Variants in TJP2 observed in about 807,000 individuals in gnomAD.
TJP2 encodes the protein tight junction protein 2.
TJP2 carries 91 observed loss-of-function variants against 133.1 expected under a neutral mutation model. The observed-to-expected ratio is 0.68, with a 90% CI of 0.58 to 0.81. TJP2 has a LOEUF of 0.81. TJP2 is among the 40% of genes least tolerant of loss of function. TJP2 has a pLI of 0.00. For synonymous variants in TJP2, 592 were observed against 583.4 expected (o/e 1.01, Z -0.21); for missense variants, 1,541 against 1,565.6 (o/e 0.98, Z 0.26).
At chr9:69,238,851 C>T in intron 16 of TJP2, 62 bp downstream of exon 16, 1 of 1,341,656 alleles carries the variant, frequency 7.5e-7, no homozygotes, top group Non-Finnish European at 1.1e-6. Flanking sequence ...TTGCTGCAGT[C>T]ACTTTTAGGA....
chr9:69,196,917 T>TTATA (rs1206245674), intron 1 of TJP2, among the ~76,000 whole-genome samples: 2 of 88,052 alleles, frequency 2.3e-5, no homozygotes, highest in South Asian at 3.7e-4. Context: ...TTTGCTTGTT[T>TTATA]TATATATATA....
chr9:69,179,038 AG>A (rs1223215825), intron 1 of TJP2, among the ~76,000 whole-genome samples: 1 of 151,692 alleles, frequency 6.6e-6, no homozygotes, highest in Non-Finnish European at 1.5e-5. Flanking sequence ...GGATTTTCGT[AG>A]GAACAGGAAG....
At chr9:69,199,262 G>A (rs747043450) in intron 1 of TJP2, among the ~76,000 whole-genome samples, 26 of 152,244 alleles carry the variant, frequency 1.7e-4, no homozygotes, top group Middle Eastern at 6.8e-3. Flanking sequence ...GGGGCTGAAC[G>A]TGGTGGCTCA....
rs1434422129 is a variant in TJP2 at position 69,238,729 on chromosome 9, A to T, written c.2295A>T (p.Ala765=). The T allele has an allele frequency of 6.2e-7, 1 of 1,613,956 alleles. No homozygotes were observed. Among genetic ancestry groups the T allele is most frequent in the Non-Finnish European group, 8.5e-7 (1 of 1,179,888 alleles). ...TTGCAGAAACGGAACCAAAAGATGC[A>T]GGATCTGAGAAATCCACTGGAGTGG... ...FQTAKTEPKD[A]GSEKSTGVVR... The change falls in exon 16 of 23, where the codon GCA becomes GCT. Residue 765 remains alanine, a synonymous_variant. Coordinates refer to ENST00000377245, the MANE Select transcript of TJP2 (RefSeq NM_004817.4).
intron 2 of TJP2, 86 bp downstream of exon 2, chr9:69,212,687 T>A: frequency 2.6e-6 from 3 of 1,166,390 alleles, no homozygotes; most frequent in Non-Finnish European, 3.9e-6. Context: ...CTACACACAG[T>A]TTTGGCTTTT....
At chr9:69,175,412 T>C (rs1450833159) in intron 1 of TJP2, among the ~76,000 whole-genome samples, 3 of 152,176 alleles carry the variant, frequency 2.0e-5, no homozygotes, top group Admixed American at 6.5e-5. Flanking sequence ...GACGGTCCTT[T>C]TGGGAAAACA....
intron 1 of TJP2, among the ~76,000 whole-genome samples, chr9:69,191,840 G>A (rs959293022): frequency 2.6e-5 from 4 of 151,818 alleles, no homozygotes; most frequent in Admixed American, 1.3e-4. Flanking sequence ...AGGTTCAAGC[G>A]ATTTTCCTGC....
chr9:69,238,767 C>T lies in TJP2; in HGVS notation c.2333C>T (p.Thr778Ile), dbSNP rs773974961. 4 of 1,613,838 alleles carry T rather than the reference C, an allele frequency of 2.5e-6. No individual in the cohort carries two copies. The highest frequency in any genetic ancestry group is 3.4e-6 in the Non-Finnish European group (4 of 1,179,798). The part of the protein sequence containing the change: ...EKSTGVVRLN[T>I]VRQIIEQDKH... ...TCCACTGGAGTGGTCCGGTTAAATA[C>T]CGTGAGGCAAATTATTGAACAGGTG... Residue 778 changes from threonine to isoleucine, a missense_variant, in exon 16 of 23, where the codon ACC becomes ATC. Physicochemically the swap from Thr to Ile is moderately conservative, Grantham distance 89 (BLOSUM62 -1). Transcript: ENST00000377245.
At chr9:69,225,989 T>C (rs1387747589) in intron 6 of TJP2, 33 bp from the exon 7 acceptor site, 1 of 1,610,598 alleles carries the variant, frequency 6.2e-7, no homozygotes, top group East Asian at 2.2e-5. Context: ...ATAATTTTAT[T>C]GCATTTAACA....
At chr9:69,174,504 G>A (rs1824914483) in intron 1 of TJP2, 72 bp downstream of exon 1, 4 of 1,453,118 alleles carry the variant, frequency 2.8e-6, no homozygotes, top group Admixed American at 2.0e-5. Flanking sequence ...TGGGGGCTCT[G>A]CTCGCGTGCT....
rs761461587 is a variant in TJP2, at chr9:69,246,678, A to G, written c.2567-12A>G. ...GAAATTAATGCAGACCTTTTTGTTT[A>G]TATTTCTATAGCTACAATCAACCTA... On this transcript the variant is annotated splice_polypyrimidine_tract_variant and intron_variant, in intron 17 of 22. Coordinates refer to ENST00000377245, the MANE Select transcript of TJP2 (RefSeq NM_004817.4). 110 of 1,611,260 alleles carry G rather than the reference A, an allele frequency of 6.8e-5. 1 individual carries two copies. Among genetic ancestry groups the G allele is most frequent in the South Asian group, 2.3e-4 (21 of 91,038 alleles).
At chr9:69,248,324 T>A in intron 19 of TJP2, 100 bp downstream of exon 19, 1 of 1,481,312 alleles carries the variant, frequency 6.8e-7, no homozygotes, top group Non-Finnish European at 9.0e-7. Context: ...AAGGCATTCC[T>A]AAGGGTTGGA....
chr9:69,135,198 G>T (rs1408718401), intron 1 of TJP2, among the ~76,000 whole-genome samples: 1 of 152,022 alleles, frequency 6.6e-6, no homozygotes, highest in Non-Finnish European at 1.5e-5. Context: ...ATAACGATTT[G>T]CTGAGTAAAT....
intron 1 of TJP2, among the ~76,000 whole-genome samples, chr9:69,177,452 T>G (rs2132959927): frequency 6.6e-6 from 1 of 152,326 alleles, no homozygotes; most frequent in East Asian, 1.9e-4. Flanking sequence ...TAGGGCCTGT[T>G]TCTCCCTCAT....
At chr9:69,235,700 T>C (rs913669215) in intron 12 of TJP2, among the ~76,000 whole-genome samples, 11 of 152,172 alleles carry the variant, frequency 7.2e-5, no homozygotes, top group African/African-American at 1.2e-4. Flanking sequence ...CCCACTCGCA[T>C]TGGGGAGGGC....
intron 1 of TJP2, among the ~76,000 whole-genome samples, chr9:69,192,920 C>CT (rs35014942): frequency 0.029 from 3,114 of 107,138 alleles, 167 homozygotes; most frequent in African/African-American, 0.1. Context: ...TTCTCTCTCA[C>CT]TTTTTTTTTT....
chr9:69,247,893 T>C (rs1831037042), intron 18 of TJP2, 119 bp from the exon 19 acceptor site: 2 of 990,590 alleles, frequency 2.0e-6, no homozygotes, highest in East Asian at 5.0e-5. Flanking sequence ...AAAAGATGCC[T>C]TCCCTGGCGA....
At chr9:69,144,548 G>A (rs182036249) in intron 1 of TJP2, among the ~76,000 whole-genome samples, 38 of 152,284 alleles carry the variant, frequency 2.5e-4, no homozygotes, top group Non-Finnish European at 4.9e-4. Flanking sequence ...AGCTATTTAA[G>A]TCAGAACTCT....
chr9:69,213,055 A>ATTTTT (rs551659577), intron 2 of TJP2, among the ~76,000 whole-genome samples: 8 of 76,546 alleles, frequency 1.0e-4, no homozygotes, highest in Admixed American at 1.9e-4. Flanking sequence ...GTGGTTCTGC[A>ATTTTT]TTTTTTTTTT....
Sources: gnomAD v4.1 joint callset for allele counts (sites outside exome capture counted in the v4.1 genomes callset) on GRCh38, gnomAD v4.1.1 for gene constraint, MANE v1.5 for transcripts, NCBI Gene and HGNC (gene_info 2026-07-23, HGNC 2026-07-21) for gene names.